Variants in TRPM3 observed in about 807,000 individuals in gnomAD.
TRPM3 encodes the protein transient receptor potential cation channel subfamily M member 3.
In TRPM3, 77 loss-of-function variants were observed where a neutral mutation model predicts 181.2. That is an observed-to-expected ratio of 0.42 (90% CI 0.35 to 0.51). The LOEUF (loss-of-function observed/expected upper bound fraction) is 0.51. TRPM3 is among the 20% of genes least tolerant of loss of function. TRPM3 has a pLI of 0.01. For synonymous variants in TRPM3, 745 were observed against 796.4 expected (o/e 0.94, Z 1.09); for missense variants, 1,759 against 2,196.7 (o/e 0.80, Z 3.98).
At chr9:70,917,511 T>G in intron 1 of TRPM3, 2 of 720,082 alleles carry the variant, frequency 2.8e-6, no homozygotes, top group Non-Finnish European at 5.1e-6. Context: ...GCCACCACGA[T>G]AACTGGGGCG....
At chr9:71,200,780 A>G (rs1244581316) in intron 1 of TRPM3, among the ~76,000 whole-genome samples, 2 of 151,990 alleles carry the variant, frequency 1.3e-5, no homozygotes, top group Non-Finnish European at 2.9e-5. Flanking sequence ...TGCACGTGAG[A>G]TGGGTTACCT....
intron 1 of TRPM3, among the ~76,000 whole-genome samples, chr9:71,127,243 C>T (rs764428913): frequency 7.0e-6 from 1 of 143,502 alleles, no homozygotes; most frequent in Non-Finnish European, 1.5e-5. Flanking sequence ...ACATTGTTTC[C>T]TAAATTAATT....
chr9:71,399,180 AT>A (rs1183083164), intron 1 of TRPM3, among the ~76,000 whole-genome samples: 3 of 152,192 alleles, frequency 2.0e-5, no homozygotes, highest in Admixed American at 6.5e-5. Flanking sequence ...AGATAGTATA[AT>A]TATATAATGA....
Position 71,267,788 on chromosome 9 carries a change from T to C in TRPM3, c.183+178865A>G, listed in dbSNP as rs1432884610. ...ACATGACGGACAATGGCCTTGTATA[T>C]ATCAGTTTTGCTAATAGTTCCAGTG... On this transcript the variant is annotated intron_variant, in intron 1 of 24. Coordinates refer to the TRPM3 transcript ENST00000357533. Among the ~76,000 whole-genome samples the C allele has an allele frequency of 2.6e-5, 4 of 152,206 alleles. No homozygotes were observed. In the East Asian group the frequency reaches 7.7e-4, roughly 29 times the overall value.
chr9:70,556,693 G>A (rs1226781449), intron 22 of TRPM3, among the ~76,000 whole-genome samples: 1 of 152,148 alleles, frequency 6.6e-6, no homozygotes, highest in African/African-American at 2.4e-5. Flanking sequence ...CTGGACTCTA[G>A]CCTTGGTGAC....
chr9:70,538,284 T>TA (rs1564207873), intron 25 of TRPM3, among the ~76,000 whole-genome samples: 1 of 152,222 alleles, frequency 6.6e-6, no homozygotes, highest in Non-Finnish European at 1.5e-5. Flanking sequence ...CTTTTCTTTT[T>TA]AAAATTAAAT....
At chr9:70,563,387 C>T (rs2049652763) in intron 22 of TRPM3, among the ~76,000 whole-genome samples, 1 of 152,156 alleles carries the variant, frequency 6.6e-6, no homozygotes, top group South Asian at 2.1e-4. Flanking sequence ...TTGATAGATA[C>T]CTGATAAACA....
upstream of TRPM3, among the ~76,000 whole-genome samples, chr9:71,124,308 A>G (rs1464436626): frequency 6.8e-6 from 1 of 146,408 alleles, no homozygotes; most frequent in African/African-American, 2.5e-5. Context: ...TCTAATGAGA[A>G]AAAAAAAAAA....
At chr9:70,773,625 C>CA (rs1180990676) in intron 7 of TRPM3, among the ~76,000 whole-genome samples, 6 of 151,962 alleles carry the variant, frequency 3.9e-5, no homozygotes, top group Admixed American at 3.9e-4. Flanking sequence ...TCTAGTTTTT[C>CA]AAAAAAATTT....
chr9:70,930,911 A>C (rs1240929143), intron 1 of TRPM3, among the ~76,000 whole-genome samples: 1 of 152,166 alleles, frequency 6.6e-6, no homozygotes, highest in African/African-American at 2.4e-5. Flanking sequence ...ATTCACATTT[A>C]TCAAATGTAA....
chr9:70,950,743 C>T (rs915913284), intron 1 of TRPM3, among the ~76,000 whole-genome samples: 6 of 152,090 alleles, frequency 3.9e-5, no homozygotes, highest in Non-Finnish European at 7.4e-5. Flanking sequence ...TAAATCTCAT[C>T]CGACTTCTTC....
chr9:70,690,468 G>T (rs2068194164), intron 8 of TRPM3, among the ~76,000 whole-genome samples: 2 of 152,020 alleles, frequency 1.3e-5, no homozygotes, highest in South Asian at 2.1e-4. Context: ...GTTTACCAAG[G>T]ATAGAAGCAG....
At chr9:70,693,393 G>A (rs1359676667) in intron 8 of TRPM3, among the ~76,000 whole-genome samples, 1 of 152,136 alleles carries the variant, frequency 6.6e-6, no homozygotes, top group East Asian at 1.9e-4. Flanking sequence ...ATCCCTCTGA[G>A]AAGGAACACC....
intron 6 of TRPM3, chr9:70,826,146 G>C (rs553470716): frequency 3.3e-5 from 5 of 152,148 alleles, no homozygotes; most frequent in Admixed American, 6.5e-5. Context: ...TTAAGCTCTC[G>C]TTCTTAACTT....
At chr9:71,038,501 C>A (rs986760896) in intron 1 of TRPM3, among the ~76,000 whole-genome samples, 1 of 152,020 alleles carries the variant, frequency 6.6e-6, no homozygotes, top group African/African-American at 2.4e-5. Context: ...CTTTCCTGTC[C>A]ACTTTTCTCT....
intron 1 of TRPM3, among the ~76,000 whole-genome samples, chr9:71,087,056 T>C (rs181788136): frequency 7.2e-5 from 11 of 152,186 alleles, no homozygotes. Context: ...TTGAAAATTT[T>C]TGGACACCAT....
In TRPM3 at chr9:70,864,470, T is replaced by G; in HGVS notation, c.219A>C (p.Glu73Asp). The part of the protein sequence containing the change: ...SWIERAFYKR[E>D]CVHIIPSTKD... ...TGGTGCTGGGTATGATGTGGACACATTCTCTTTTATAAAATGCTCTTTCTA... is the reference window on the plus strand; with the variant it reads ...TGGTGCTGGGTATGATGTGGACACAGTCTCTTTTATAAAATGCTCTTTCTA... The change falls in exon 2 of 26, where the codon GAA (glutamate) becomes GAC (aspartate). Residue 73 changes from glutamate to aspartate, a missense_variant. Physicochemically the swap from Glu to Asp is conservative, Grantham distance 45 (BLOSUM62 2). Around this residue, in one of 8 missense-constraint regions of TRPM3, gnomAD observed 737 missense variants for 957.4 expected, o/e 0.77. Coordinates refer to ENST00000677713, the MANE Select transcript of TRPM3 (RefSeq NM_001366145.2). 2 of 1,483,960 alleles carry G rather than the reference T, an allele frequency of 1.3e-6. No individual in the cohort carries two copies. Among genetic ancestry groups the G allele is most frequent in the East Asian group, 5.0e-5 (2 of 39,710 alleles). The allele number at this position is 1,483,960 out of a possible 1,614,324, so 91.9% of individuals were successfully genotyped here.
At chr9:71,371,661 A>G (rs1286380828) in intron 1 of TRPM3, among the ~76,000 whole-genome samples, 1 of 152,224 alleles carries the variant, frequency 6.6e-6, no homozygotes, top group Non-Finnish European at 1.5e-5. Context: ...CACTGTTGAA[A>G]TGATAACAAA....
At chr9:70,757,994 A>G (rs193218175) in intron 8 of TRPM3, among the ~76,000 whole-genome samples, 6 of 152,330 alleles carry the variant, frequency 3.9e-5, no homozygotes, top group African/African-American at 1.2e-4. Context: ...ATTGGGCAAG[A>G]GAAAGAAATA....
Sources: allele counts gnomAD v4.1 joint callset (sites outside exome capture counted in the v4.1 genomes callset), GRCh38; gene constraint gnomAD v4.1.1; regional missense constraint gnomAD v4.1.1; transcripts MANE v1.5; gene names NCBI Gene and HGNC (gene_info 2026-07-23, HGNC 2026-07-21).